The following EYS variants were observed in gnomAD, a reference collection of about 807,000 sequenced individuals.
EYS encodes EGF-like photoreceptor maintenance factor.
In EYS, 250 loss-of-function variants were observed where a neutral mutation model predicts 282.1. The ratio of observed to expected loss-of-function variants is 0.89; its 90% CI spans 0.80 to 0.98. The LOEUF is 0.98. EYS is among the 50% of genes least tolerant of loss of function. EYS has a pLI of 0.00. For synonymous variants in EYS, 1,355 were observed against 1,282.9 expected, an observed-to-expected ratio of 1.06 and a Z score of -1.20; for missense variants, 4,016 against 3,709.0, an observed-to-expected ratio of 1.08 and a Z score of -2.15.
At chr6:65,115,115 T>C (rs912612596) in intron 12 of EYS, among the ~76,000 whole-genome samples, 3 of 152,068 alleles carry the variant, frequency 2.0e-5, no homozygotes, top group African/African-American at 7.2e-5. Context: ...TATTTTTGCA[T>C]CTTTGCCTGC....
intron 5 of EYS, among the ~76,000 whole-genome samples, chr6:65,415,128 A>T (rs1767179013): frequency 6.6e-6 from 1 of 152,182 alleles, no homozygotes; most frequent in Non-Finnish European, 1.5e-5. Flanking sequence ...CGATTTAATA[A>T]ACATTAGTAG....
At chr6:64,737,090 G>A (rs1167537540) in intron 22 of EYS, among the ~76,000 whole-genome samples, 1 of 151,994 alleles carries the variant, frequency 6.6e-6, no homozygotes, top group Non-Finnish European at 1.5e-5. Flanking sequence ...TTGAATCTAG[G>A]CACATAAAAG....
intron 2 of EYS, among the ~76,000 whole-genome samples, chr6:65,578,208 A>AATATAT (rs71002321): frequency 4.0e-5 from 6 of 149,072 alleles, no homozygotes; most frequent in African/African-American, 1.5e-4. Flanking sequence ...AGATAATGAA[A>AATATAT]ATATATATAT....
chr6:64,402,251 G>A (rs1773558235), intron 28 of EYS, among the ~76,000 whole-genome samples: 2 of 151,968 alleles, frequency 1.3e-5, no homozygotes. Context: ...ATTACATATT[G>A]CTTTCTCCTT....
intron 15 of EYS, among the ~76,000 whole-genome samples, chr6:64,924,600 T>C (rs1583298283): frequency 6.6e-6 from 1 of 152,228 alleles, no homozygotes; most frequent in Non-Finnish European, 1.5e-5. Flanking sequence ...CTTATAAAAC[T>C]GAATGCCTTT....
intron 14 of EYS, among the ~76,000 whole-genome samples, chr6:64,981,066 A>T (rs1412226469): frequency 6.6e-6 from 1 of 151,402 alleles, no homozygotes; most frequent in African/African-American, 2.4e-5. Context: ...TAATTATAGA[A>T]TTTGCCTAAG....
chr6:63,833,947 C>G (rs1341799649), intron 36 of EYS, among the ~76,000 whole-genome samples: 1 of 152,164 alleles, frequency 6.6e-6, no homozygotes, highest in East Asian at 1.9e-4. Flanking sequence ...CTGACAAAAA[C>G]AAGCAATGGG....
At chr6:65,237,478 C>T (rs897790383) in intron 12 of EYS, among the ~76,000 whole-genome samples, 1 of 151,990 alleles carries the variant, frequency 6.6e-6, no homozygotes, top group Non-Finnish European at 1.5e-5. Context: ...GGATTTGTGC[C>T]ATTTAGGCAA....
At chr6:64,942,799 G>T (rs892837158) in intron 15 of EYS, among the ~76,000 whole-genome samples, 2 of 140,486 alleles carry the variant, frequency 1.4e-5, no homozygotes, top group South Asian at 2.2e-4. Flanking sequence ...AAAAAGAAAA[G>T]CTGGTACCCA....
At chr6:63,972,660 A>C (rs1279084597) in intron 35 of EYS, among the ~76,000 whole-genome samples, 1 of 151,964 alleles carries the variant, frequency 6.6e-6, no homozygotes, top group Non-Finnish European at 1.5e-5. Flanking sequence ...CATCTACGTC[A>C]TGTATTTCTC....
chr6:64,222,566 T>C (rs555293233), intron 31 of EYS, among the ~76,000 whole-genome samples: 2 of 152,038 alleles, frequency 1.3e-5, no homozygotes, highest in African/African-American at 4.8e-5. Context: ...TTCTTACACA[T>C]CCTTACTATT....
chr6:64,114,058 C>A (rs1396580973), intron 31 of EYS, among the ~76,000 whole-genome samples: 2 of 152,038 alleles, frequency 1.3e-5, no homozygotes, highest in African/African-American at 4.8e-5. Flanking sequence ...CAGAAAAAAA[C>A]TTACCAGCCT....
At chr6:65,401,645 A>T (rs1766502132) in intron 7 of EYS, among the ~76,000 whole-genome samples, 1 of 151,788 alleles carries the variant, frequency 6.6e-6, no homozygotes. Flanking sequence ...CAAAAGGTTA[A>T]TTTAAAAAAA....
intron 11 of EYS, among the ~76,000 whole-genome samples, chr6:65,325,139 C>T (rs1383676611): frequency 6.6e-6 from 1 of 152,046 alleles, no homozygotes; most frequent in Non-Finnish European, 1.5e-5. Context: ...GCAGCTGTCG[C>T]CACCATCATA....
intron 35 of EYS, among the ~76,000 whole-genome samples, chr6:63,966,918 T>G (rs1283713175): frequency 2.0e-5 from 3 of 152,210 alleles, no homozygotes; most frequent in African/African-American, 7.2e-5. Flanking sequence ...CCCCAGTGGA[T>G]GCTTGAGACT....
chr6:65,037,849 A>C (rs1772816013), intron 13 of EYS, among the ~76,000 whole-genome samples: 2 of 151,710 alleles, frequency 1.3e-5, no homozygotes, highest in Non-Finnish European at 3.0e-5. Context: ...ATGCATGTAC[A>C]TATATTTATA....
At chr6:64,498,753 G>A (rs1776958973) in intron 26 of EYS, among the ~76,000 whole-genome samples, 1 of 152,090 alleles carries the variant, frequency 6.6e-6, no homozygotes, top group Non-Finnish European at 1.5e-5. Context: ...TGCTGAGGAT[G>A]ATGGTTTCCA....
At chr6:64,455,445 T>C (rs576930368) in intron 26 of EYS, among the ~76,000 whole-genome samples, 7 of 132,740 alleles carry the variant, frequency 5.3e-5, no homozygotes, top group South Asian at 2.5e-4. Flanking sequence ...ATTATTATTA[T>C]TTTATTTTAT....
intron 1 of EYS, among the ~76,000 whole-genome samples, chr6:65,672,989 T>A (rs1445506762): frequency 6.6e-6 from 1 of 151,908 alleles, no homozygotes; most frequent in Non-Finnish European, 1.5e-5. Flanking sequence ...GTGGGGAGCT[T>A]CTGAGCCAGG....
Sources: allele counts gnomAD v4.1 joint callset (sites outside exome capture counted in the v4.1 genomes callset), GRCh38; gene constraint gnomAD v4.1.1; transcripts MANE v1.5; gene names NCBI Gene and HGNC (gene_info 2026-07-23, HGNC 2026-07-21).